The following RAP1GAP variants were observed in gnomAD, a reference collection of about 807,000 sequenced individuals.
The protein encoded by RAP1GAP is rap1 GTPase-activating protein 1.
Under a neutral mutation model 87.2 loss-of-function variants are expected in RAP1GAP, and 35 were observed. The observed-to-expected ratio is 0.40, with a 90% CI of 0.31 to 0.53. The LOEUF (loss-of-function observed/expected upper bound fraction) is 0.53, where lower values mean the gene tolerates loss of function less well. RAP1GAP is among the 20% of genes least tolerant of loss of function. The pLI is 0.48. For synonymous variants in RAP1GAP, 375 were observed against 363.9 expected (o/e 1.03, Z -0.35); for missense variants, 734 against 898.9 (o/e 0.82, Z 2.35).
chr1:21,612,207 C>A, intron 10 of RAP1GAP, 98 bp from the exon 11 acceptor site: 1 of 891,400 alleles, frequency 1.1e-6, no homozygotes, highest in Admixed American at 2.0e-5. Context: ...GCTCTACACA[C>A]GTCACGTCAT....
chr1:21,620,129 G>A (rs947467246), intron 3 of RAP1GAP, 79 bp from the exon 4 acceptor site: 15 of 1,509,336 alleles, frequency 9.9e-6, no homozygotes, highest in East Asian at 9.1e-5. Flanking sequence ...CCGGCCCTCC[G>A]GGTCCCACCA....
At chr1:21,630,675 C>T (rs554910012) in intron 2 of RAP1GAP, among the ~76,000 whole-genome samples, 5 of 152,190 alleles carry the variant, frequency 3.3e-5, no homozygotes, top group African/African-American at 1.2e-4. Context: ...CCCTCGGCCT[C>T]CTAGTAGCTG....
chr1:21,626,444 AT>A (rs750564935), intron 2 of RAP1GAP, 47 bp from the exon 3 acceptor site: 2 of 1,490,184 alleles, frequency 1.3e-6, no homozygotes, highest in East Asian at 4.5e-5. Context: ...AAGCCAGGAA[AT>A]TTGGGAACTC....
intron 17 of RAP1GAP, 33 bp downstream of exon 17, chr1:21,608,180 G>C (rs1186149368): frequency 6.2e-7 from 1 of 1,610,096 alleles, no homozygotes; most frequent in Non-Finnish European, 8.5e-7. Context: ...CCACGTCCCT[G>C]CTCCCCGGCC....
At chr1:21,654,692 T>C (rs1302362890) in intron 1 of RAP1GAP, among the ~76,000 whole-genome samples, 1 of 151,832 alleles carries the variant, frequency 6.6e-6, no homozygotes, top group Non-Finnish European at 1.5e-5. Context: ...ATTAGCCAGG[T>C]GTGATGGTGC....
intron 2 of RAP1GAP, among the ~76,000 whole-genome samples, chr1:21,639,290 G>T (rs924535307): frequency 1.3e-5 from 2 of 152,236 alleles, no homozygotes; most frequent in Non-Finnish European, 2.9e-5. Context: ...CTTCCCTGGA[G>T]CTCTAAATAA....
intron 1 of RAP1GAP, among the ~76,000 whole-genome samples, chr1:21,654,041 C>T (rs1277264578): frequency 6.2e-5 from 9 of 145,690 alleles, no homozygotes; most frequent in Non-Finnish European, 1.0e-4. Flanking sequence ...GTGTGGGCTC[C>T]AGCCTCTCTG....
Position 21,668,784 on chromosome 1 carries a change from TG to T in RAP1GAP, c.-149+469del, listed in dbSNP as rs1481023423. ...CACCGCCCTCCCCGCTCAGGGTCCTTGATCTGAGGCCCCCACTTCCCTCCTC... is the reference window on the plus strand; with the variant it reads ...CACCGCCCTCCCCGCTCAGGGTCCTTATCTGAGGCCCCCACTTCCCTCCTC... On this transcript the variant is annotated intron_variant, in intron 1 of 24. Transcript: ENST00000374765. The surrounding 1 kb of genome is among the most constrained non-coding windows in gnomAD (Gnocchi z 6.2). Among the ~76,000 whole-genome samples, 1 of 152,134 alleles carries T rather than the reference TG, an allele frequency of 6.6e-6. No individual in the cohort carries two copies. Among genetic ancestry groups the T allele is most frequent in the East Asian group, 1.9e-4 (1 of 5,130 alleles).
chr1:21,636,002 C>G (rs982789574), intron 2 of RAP1GAP, among the ~76,000 whole-genome samples: 1 of 152,242 alleles, frequency 6.6e-6, no homozygotes, highest in African/African-American at 2.4e-5. Context: ...GGACCTTAGA[C>G]TCTTCTAAGT....
At chr1:21,624,825 G>A (rs2091145011) in intron 3 of RAP1GAP, among the ~76,000 whole-genome samples, 2 of 132,346 alleles carry the variant, frequency 1.5e-5, no homozygotes, top group Admixed American at 8.3e-5. Context: ...TAGCACGCAG[G>A]GCCCAGGGCT....
chr1:21,609,200 C>T lies in RAP1GAP; in HGVS notation c.1072-264G>A, dbSNP rs989238719. On this transcript the variant is annotated intron_variant, in intron 15 of 24. Coordinates refer to ENST00000374765, the MANE Select transcript of RAP1GAP (RefSeq NM_002885.4). This position sits in a 1 kb window ranked among gnomAD's most constrained non-coding sequence, Gnocchi z 4.4. ...TTAGGGTCTGGGTTGGGGTCTCAAC[C>T]TACTGCTTCAGTCTAGGGTAGCAGA... is the stretch of plus-strand genomic sequence containing the variant. Among the ~76,000 whole-genome samples, 3 of 152,148 alleles carry T rather than the reference C, an allele frequency of 2.0e-5. No homozygotes were observed. Among genetic ancestry groups the T allele is most frequent in the Non-Finnish European group, 4.4e-5 (3 of 68,026 alleles).
rs756083210 is a variant in RAP1GAP, at chr1:21,599,476, CCCCCCTGAG to C, written c.1776+9_1776+17del. Reference sequence around the variant, plus strand: ...TTCCAAGCTCCTGTGGGGCCCCTGACCCCCCTGAGCCTCTCACCAGGCCTGTGTCCTCTC... The same window carrying C: ...TTCCAAGCTCCTGTGGGGCCCCTGACCCTCTCACCAGGCCTGTGTCCTCTC... On this transcript the variant is annotated intron_variant, in intron 21 of 24. Coordinates refer to ENST00000374765, the MANE Select transcript of RAP1GAP (RefSeq NM_002885.4). 20 of 1,600,032 alleles carry C rather than the reference CCCCCCTGAG, an allele frequency of 1.2e-5. No individual in the cohort carries two copies. The African/African-American group carries it at 2.4e-4, about 19-fold the overall frequency.
At position 21,617,481 on chromosome 1, in the gene RAP1GAP, C is replaced by G; in HGVS notation, c.116G>C (p.Arg39Pro). Residue 39 changes from arginine to proline, a missense_variant, in exon 7 of 25, where the codon CGA becomes CCA. This residue lies in a region of RAP1GAP where 485 missense variants were observed against 646.2 expected (regional missense o/e 0.75). Coordinates refer to ENST00000374765, the MANE Select transcript of RAP1GAP (RefSeq NM_002885.4). ...CAGGATGAGGGGGAAGGGTCCTTCT[C>G]GCCCCAAGACCTGAAGAGGGACTCA... Reference protein sequence around the residue: ...PYPSVHEVLGREGPFPLILLP... With the variant: ...PYPSVHEVLGPEGPFPLILLP... The G allele has an allele frequency of 6.3e-7, 1 of 1,597,614 alleles. No individual in the cohort carries two copies. The highest frequency in any genetic ancestry group is 1.7e-4 in the Middle Eastern group (1 of 5,842).
chr1:21,646,117 C>T (rs930384257), intron 2 of RAP1GAP, among the ~76,000 whole-genome samples: 1 of 152,138 alleles, frequency 6.6e-6, no homozygotes, highest in African/African-American at 2.4e-5. Context: ...AGGCTGGTGT[C>T]AGGATGGAAT....
Position 21,649,808 on chromosome 1 carries a change from C to A in RAP1GAP, c.-148-12G>T. The A allele has an allele frequency of 6.4e-7, 1 of 1,551,792 alleles. No homozygotes were observed. Among genetic ancestry groups the A allele is most frequent in the Non-Finnish European group, 8.7e-7 (1 of 1,146,962 alleles). ...AGGACTTGTCCACCCTGAAACACAACAAGAGGGGCCATAGGTGAGGGGACA... is the reference window on the plus strand; with the variant it reads ...AGGACTTGTCCACCCTGAAACACAAAAAGAGGGGCCATAGGTGAGGGGACA... On this transcript the variant is annotated splice_polypyrimidine_tract_variant and intron_variant, in intron 1 of 24. Transcript: ENST00000374765.
At chr1:21,599,785 C>A (rs1487497523) in intron 20 of RAP1GAP, among the ~76,000 whole-genome samples, 168 bp from the exon 21 acceptor site, 1 of 152,186 alleles carries the variant, frequency 6.6e-6, no homozygotes, top group African/African-American at 2.4e-5. Flanking sequence ...ACTCCCCCTG[C>A]AGCCTCCTCC....
intron 3 of RAP1GAP, among the ~76,000 whole-genome samples, chr1:21,621,869 G>A (rs2087955912): frequency 2.0e-5 from 3 of 152,184 alleles, no homozygotes. Flanking sequence ...ACTGACACAT[G>A]GTCCTGTCAC....
intron 2 of RAP1GAP, among the ~76,000 whole-genome samples, chr1:21,645,143 G>A (rs1235349543): frequency 5.9e-5 from 9 of 152,180 alleles, no homozygotes; most frequent in Non-Finnish European, 8.8e-5. Flanking sequence ...CCTACAGTAC[G>A]TGTTCAGTGG....
At chr1:21,648,177 C>CT (rs2096251794) in intron 2 of RAP1GAP, among the ~76,000 whole-genome samples, 1 of 152,182 alleles carries the variant, frequency 6.6e-6, no homozygotes, top group African/African-American at 2.4e-5. Context: ...CCGATCTTTA[C>CT]TTGATAGACG....
Sources: gnomAD v4.1 joint callset for allele counts (sites outside exome capture counted in the v4.1 genomes callset) on GRCh38, gnomAD v4.1.1 for gene constraint, gnomAD v4.1.1 regional missense constraint, Gnocchi (gnomAD v3.1) non-coding constraint, MANE v1.5 for transcripts, NCBI Gene and HGNC (gene_info 2026-07-23, HGNC 2026-07-21) for gene names.